CCT6B: variants seen among roughly 807,000 people sequenced by gnomAD.
The protein encoded by CCT6B is probable T-complex protein 1 subunit zeta-2.
In CCT6B, 49 loss-of-function variants were observed where a neutral mutation model predicts 61.5. The ratio of observed to expected loss-of-function variants is 0.80; its 90% confidence interval spans 0.63 to 1.01. CCT6B has a LOEUF of 1.01. CCT6B is among the 50% of genes least tolerant of loss of function. CCT6B has a pLI of 0.00. For missense variants in CCT6B, 666 were observed against 634.7 expected (o/e 1.05, Z -0.53); for synonymous variants, 228 against 214.5 (o/e 1.06, Z -0.55).
intron 10 of CCT6B, among the ~76,000 whole-genome samples, chr17:34,933,773 G>A (rs1423089998): frequency 6.6e-6 from 1 of 152,022 alleles, no homozygotes; most frequent in African/African-American, 2.4e-5. Flanking sequence ...TTTATATCAC[G>A]AAACACCTAT....
chr17:34,959,639 C>T lies in CCT6B; in HGVS notation c.149G>A (p.Gly50Asp). Residue 50 changes from glycine (G) to aspartate (D), a missense_variant, in exon 2 of 14, where the codon GGT becomes GAT. Gly to Asp is a moderately conservative substitution (Grantham distance 94). Coordinates refer to ENST00000314144, the MANE Select transcript of CCT6B (RefSeq NM_006584.4). ...PKGTMKMLVS[G>D]AGDIKLTKDG... ...TTTGGTGAGTTTGATGTCACCTGCA[C>T]CAGAAACAAGCCTGTTCAGAGAAGA... The T allele has an allele frequency of 1.2e-6, 2 of 1,611,434 alleles. No individual in the cohort carries two copies. The highest frequency in any genetic ancestry group is 2.2e-5 in the East Asian group (1 of 44,862).
rs2089987649 is a variant in CCT6B, at chr17:34,928,028, G to A, written c.*20C>T. On this transcript the variant is annotated 3_prime_UTR_variant, in exon 14 of 14. Coordinates refer to ENST00000314144, the MANE Select transcript of CCT6B (RefSeq NM_006584.4). ...GTACTAAATTTCATCTTCTAGAAGG[G>A]TTGATTTTGAATTCAATCATCATTT... 1 of 1,581,880 alleles carries A rather than the reference G, an allele frequency of 6.3e-7. No individual in the cohort carries two copies. The highest frequency in any genetic ancestry group is 1.1e-5 in the South Asian group (1 of 89,308).
At chr17:34,959,291 A>ATTTT (rs1160595019) in intron 2 of CCT6B, among the ~76,000 whole-genome samples, 3 of 129,472 alleles carry the variant, frequency 2.3e-5, no homozygotes, top group Non-Finnish European at 3.3e-5. Context: ...ACTGAGCAAA[A>ATTTT]TTTTTTTTTT....
intron 9 of CCT6B, 23 bp from the exon 10 acceptor site, chr17:34,939,353 ATAAC>A (rs1297442102): frequency 6.4e-7 from 1 of 1,570,578 alleles, no homozygotes; most frequent in Non-Finnish European, 8.7e-7. Context: ...ACAAAAATAT[ATAAC>A]TTTAATATTT....
chr17:34,955,761 A>T (rs376270525), intron 3 of CCT6B, among the ~76,000 whole-genome samples: 49 of 152,346 alleles, frequency 3.2e-4, no homozygotes, highest in African/African-American at 1.2e-3. Flanking sequence ...TAAGAGTTTT[A>T]CACAAGTTAT....
At chr17:34,958,230 G>A (rs2090369862) in intron 3 of CCT6B, among the ~76,000 whole-genome samples, 1 of 152,128 alleles carries the variant, frequency 6.6e-6, no homozygotes, top group Non-Finnish European at 1.5e-5. Context: ...GATCACCTGA[G>A]GTCAGGAGCT....
At chr17:34,949,111 A>AAG (rs1423680275) in intron 5 of CCT6B, among the ~76,000 whole-genome samples, 7 of 136,108 alleles carry the variant, frequency 5.1e-5, no homozygotes, top group Non-Finnish European at 9.7e-5. Flanking sequence ...GAAAAGAGAA[A>AAG]AGAAAAGAAA....
chr17:34,947,364 G>C (rs1202659187), intron 5 of CCT6B, among the ~76,000 whole-genome samples: 1 of 152,120 alleles, frequency 6.6e-6, no homozygotes, highest in Non-Finnish European at 1.5e-5. Context: ...CATAGTAAAA[G>C]TATACAACAC....
chr17:34,934,091 T>C (rs532551356), intron 10 of CCT6B, among the ~76,000 whole-genome samples: 111 of 142,216 alleles, frequency 7.8e-4, no homozygotes, highest in African/African-American at 2.8e-3. Flanking sequence ...ACCATGCCAC[T>C]GCACTCCAGC....
intron 10 of CCT6B, among the ~76,000 whole-genome samples, chr17:34,935,518 A>G (rs923520890): frequency 1.3e-5 from 2 of 152,196 alleles, no homozygotes; most frequent in African/African-American, 2.4e-5. Flanking sequence ...CCAAGAATGT[A>G]AGGTTTGACA....
chr17:34,954,100 TCA>T (rs1435491890), intron 4 of CCT6B, among the ~76,000 whole-genome samples: 2 of 152,148 alleles, frequency 1.3e-5, no homozygotes, highest in African/African-American at 4.8e-5. Context: ...GTGTGTCACC[TCA>T]CATAATAAAA....
chr17:34,955,092 T>C (rs951108816), intron 3 of CCT6B, among the ~76,000 whole-genome samples: 3 of 152,110 alleles, frequency 2.0e-5, no homozygotes, highest in Admixed American at 2.0e-4. Flanking sequence ...GTAACCTAAG[T>C]TTAATTGAGG....
intron 5 of CCT6B, among the ~76,000 whole-genome samples, chr17:34,951,629 C>T (rs543028770): frequency 1.3e-5 from 2 of 152,318 alleles, no homozygotes; most frequent in East Asian, 3.9e-4. Context: ...CTGCTTAGAA[C>T]CCTCTTATTC....
intron 10 of CCT6B, among the ~76,000 whole-genome samples, chr17:34,935,155 G>C (rs2090079813): frequency 6.6e-6 from 1 of 152,128 alleles, no homozygotes; most frequent in Admixed American, 6.6e-5. Flanking sequence ...GCCAGACAAA[G>C]GACAAAAACT....
At chr17:34,939,827 G>A (rs2090140202) in intron 8 of CCT6B, 114 bp from the exon 9 acceptor site, 2 of 694,472 alleles carry the variant, frequency 2.9e-6, no homozygotes, top group Admixed American at 2.5e-5. Context: ...GTATTGTTTT[G>A]GGTTTTTAAT....
chr17:34,953,318 AATATAT>A (rs757786280), intron 4 of CCT6B, among the ~76,000 whole-genome samples: 2 of 141,130 alleles, frequency 1.4e-5, no homozygotes, highest in African/African-American at 2.5e-5. Flanking sequence ...CTTTATATAA[AATATAT>A]ATATATATAT....
chr17:34,960,439 T>C (rs866705015), intron 1 of CCT6B, among the ~76,000 whole-genome samples: 122 of 152,198 alleles, frequency 8.0e-4, no homozygotes, highest in African/African-American at 2.8e-3. Flanking sequence ...CTCTTCCAAC[T>C]AGTGAAGTCT....
intron 8 of CCT6B, 121 bp downstream of exon 8, chr17:34,940,418 G>T: frequency 5.2e-6 from 3 of 577,824 alleles, no homozygotes; most frequent in Non-Finnish European, 9.1e-6. Context: ...ACAAAATTTG[G>T]ATTTTTTTAT....
intron 9 of CCT6B, 63 bp from the exon 10 acceptor site, chr17:34,939,393 A>G: frequency 7.6e-7 from 1 of 1,323,014 alleles, no homozygotes; most frequent in South Asian, 1.3e-5. Flanking sequence ...TCAACAATTT[A>G]TACTAGAATA....
Sources: allele counts gnomAD v4.1 joint callset (sites outside exome capture counted in the v4.1 genomes callset), GRCh38; gene constraint gnomAD v4.1.1; transcripts MANE v1.5; gene names NCBI Gene and HGNC (gene_info 2026-07-23, HGNC 2026-07-21).